PJA2: variants seen among roughly 807,000 people sequenced by gnomAD.
The protein encoded by PJA2 is praja ring finger ubiquitin ligase 2, also known as E3 ubiquitin-protein ligase Praja-2.
In PJA2, 25 loss-of-function variants were observed where a neutral mutation model predicts 69.3. The observed-to-expected ratio is 0.36, with a 90% CI of 0.26 to 0.50. The LOEUF (loss-of-function observed/expected upper bound fraction) is 0.50. PJA2 is among the 20% of genes least tolerant of loss of function. The pLI is 0.96. For missense variants in PJA2, 809 were observed against 830.2 expected, an observed-to-expected ratio of 0.97 and a Z score of 0.31; for synonymous variants, 308 against 277.8, an observed-to-expected ratio of 1.11 and a Z score of -1.08.
intron 7 of PJA2, among the ~76,000 whole-genome samples, chr5:109,345,962 T>G (rs1204296478): frequency 6.6e-6 from 1 of 152,246 alleles, no homozygotes; most frequent in African/African-American, 2.4e-5. Flanking sequence ...GACTTTTGTC[T>G]TTTTGTCTGC....
intron 7 of PJA2, among the ~76,000 whole-genome samples, chr5:109,349,190 A>C (rs1192280423): frequency 6.6e-6 from 1 of 152,228 alleles, no homozygotes; most frequent in African/African-American, 2.4e-5. Context: ...ATGGAAGCCA[A>C]GTTATCAAAG....
At position 109,360,041 on chromosome 5, in the gene PJA2, G is replaced by A. The variant is rs62375617; in HGVS notation, c.1652+2799C>T. On this transcript the variant is annotated intron_variant, in intron 6 of 9. Coordinates refer to ENST00000361189, the MANE Select transcript of PJA2 (RefSeq NM_014819.5). ...CGTGGTTTTAAAATGTTAACATTTA[G>A]GAAATCTTAGTGAAGGATACATGAG... is the stretch of plus-strand genomic sequence containing the variant. Among the ~76,000 whole-genome samples, 341 of 152,192 alleles carry A rather than the reference G, an allele frequency of 2.2e-3. 2 individuals are homozygous for A. The highest frequency in any genetic ancestry group is 2.4e-3 in the Non-Finnish European group (164 of 67,982).
intron 1 of PJA2, among the ~76,000 whole-genome samples, chr5:109,386,545 T>C (rs909394824): frequency 1.3e-5 from 2 of 152,204 alleles, no homozygotes; most frequent in African/African-American, 4.8e-5. Context: ...AAATTTAGTC[T>C]ACGTGTTTTC....
At chr5:109,367,050 T>C (rs927557564) in intron 5 of PJA2, among the ~76,000 whole-genome samples, 2 of 151,250 alleles carry the variant, frequency 1.3e-5, no homozygotes, top group Admixed American at 6.6e-5. Flanking sequence ...GAGAATCACT[T>C]GAACCTGGGA....
At chr5:109,347,402 G>A (rs1762188119) in intron 7 of PJA2, among the ~76,000 whole-genome samples, 1 of 152,244 alleles carries the variant, frequency 6.6e-6, no homozygotes, top group South Asian at 2.1e-4. Context: ...GCTTCCCTGT[G>A]CACAGATGGC....
At chr5:109,367,373 C>A (rs1762602526) in intron 5 of PJA2, among the ~76,000 whole-genome samples, 1 of 150,778 alleles carries the variant, frequency 6.6e-6, no homozygotes, top group African/African-American at 2.4e-5. Flanking sequence ...TATTAGTCTA[C>A]ACTGAAAAAG....
In PJA2 at chr5:109,378,626, G is replaced by A. The variant is rs1746957053; in HGVS notation, c.861C>T (p.Ala287=). Residue 287 remains alanine (A), a synonymous_variant, in exon 4 of 10, where the codon GCC becomes GCT. Coordinates refer to ENST00000361189, the MANE Select transcript of PJA2 (RefSeq NM_014819.5). The part of the protein sequence containing the change: ...RQTEHSPEDA[A]CGPGHICSEQ... ...CACTACAAATATGCCCTGGACCACAGGCTGCATCTTCAGGTGAATGTTCTG... is the reference window on the plus strand; with the variant it reads ...CACTACAAATATGCCCTGGACCACAAGCTGCATCTTCAGGTGAATGTTCTG... 3.1e-6 allele frequency: 5 copies of A among 1,614,134 alleles called. No individual in the cohort carries two copies. Among genetic ancestry groups the A allele is most frequent in the East Asian group, 4.5e-5 (2 of 44,870 alleles).
At chr5:109,373,300 G>A (rs1762708386) in intron 4 of PJA2, among the ~76,000 whole-genome samples, 1 of 152,156 alleles carries the variant, frequency 6.6e-6, no homozygotes, top group Admixed American at 6.5e-5. Context: ...GAGACAGAGG[G>A]AAGCAACCTG....
intron 9 of PJA2, 34 bp downstream of exon 9, chr5:109,344,151 TTAAAG>T: frequency 7.7e-7 from 1 of 1,305,214 alleles, no homozygotes; most frequent in Non-Finnish European, 1.0e-6. Flanking sequence ...GAAGACACTA[TTAAAG>T]TATTTTTAAA....
intron 7 of PJA2, among the ~76,000 whole-genome samples, chr5:109,345,390 G>C (rs6873299): frequency 0.055 from 8,345 of 150,818 alleles, 322 homozygotes; most frequent in Middle Eastern, 0.11. Flanking sequence ...GGTAGTGTGT[G>C]CCTATAATCC....
chr5:109,356,340 G>C (rs990048442), intron 6 of PJA2, among the ~76,000 whole-genome samples: 1 of 152,176 alleles, frequency 6.6e-6, no homozygotes, highest in African/African-American at 2.4e-5. Flanking sequence ...GGTACAGGTT[G>C]AGCATCCCAA....
At chr5:109,368,445 C>CCTA in intron 5 of PJA2, 116 bp downstream of exon 5, 1 of 795,772 alleles carries the variant, frequency 1.3e-6, no homozygotes, top group Non-Finnish European at 1.9e-6. Flanking sequence ...ATCAGGGGGG[C>CCTA]CTACTGGTTC....
intron 2 of PJA2, among the ~76,000 whole-genome samples, chr5:109,383,036 G>A (rs1391253056): frequency 1.3e-5 from 2 of 152,050 alleles, no homozygotes; most frequent in East Asian, 1.9e-4. Flanking sequence ...TAATCTTGAG[G>A]TGGATATTGT....
intron 6 of PJA2, among the ~76,000 whole-genome samples, chr5:109,360,272 G>T (rs1762485206): frequency 6.6e-6 from 1 of 152,168 alleles, no homozygotes; most frequent in African/African-American, 2.4e-5. Flanking sequence ...GGATTTGTCT[G>T]TGTCTAAAAC....
chr5:109,353,585 T>G (rs1342288751), intron 7 of PJA2, among the ~76,000 whole-genome samples: 1 of 145,488 alleles, frequency 6.9e-6, no homozygotes, highest in East Asian at 2.1e-4. Flanking sequence ...GACATCTATA[T>G]ATTAGATATC....
intron 1 of PJA2, among the ~76,000 whole-genome samples, chr5:109,392,498 T>C (rs752226242): frequency 6.0e-5 from 9 of 149,300 alleles, no homozygotes; most frequent in East Asian, 5.9e-4. Context: ...GAGGTGGAGG[T>C]TGCAGTGAGC....
chr5:109,378,936 G>A lies in PJA2; in HGVS notation c.551C>T (p.Ser184Phe). 1.2e-6 allele frequency: 2 copies of A among 1,614,164 alleles called. No individual in the cohort carries two copies. Among genetic ancestry groups the A allele is most frequent in the Non-Finnish European group, 1.7e-6 (2 of 1,180,034 alleles). ...TCTACTACCTTCCACGACTTCTGCA[G>A]AAAGTTGAAGATGGTCATTATCTTC... ...HGEDNDHLQL[S>F]AEVVEGSRYQ... The change falls in exon 4 of 10, where the codon TCT becomes TTT. Residue 184 changes from serine to phenylalanine, a missense_variant. Transcript: ENST00000361189.
At chr5:109,401,904 A>C (rs188841653) in intron 1 of PJA2, among the ~76,000 whole-genome samples, 1 of 152,360 alleles carries the variant, frequency 6.6e-6, no homozygotes, top group Non-Finnish European at 1.5e-5. Flanking sequence ...AAATATTACA[A>C]GGTATTATGC....
intron 7 of PJA2, among the ~76,000 whole-genome samples, chr5:109,345,548 A>G (rs1360252406): frequency 1.3e-5 from 2 of 151,338 alleles, no homozygotes; most frequent in Non-Finnish European, 2.9e-5. Context: ...CCTTGTCTCA[A>G]TAATCATCTA....
Sources: gnomAD v4.1 joint callset for allele counts (sites outside exome capture counted in the v4.1 genomes callset) on GRCh38, gnomAD v4.1.1 for gene constraint, MANE v1.5 for transcripts, NCBI Gene and HGNC (gene_info 2026-07-23, HGNC 2026-07-21) for gene names.